Variants in IST1 observed in about 807,000 individuals in gnomAD.
IST1 encodes the protein IST1 homolog.
IST1 carries 23 observed loss-of-function variants against 37.0 expected under a neutral mutation model. The ratio of observed to expected loss-of-function variants is 0.62; its 90% CI spans 0.45 to 0.88. The LOEUF (loss-of-function observed/expected upper bound fraction) is 0.88. IST1 is among the 40% of genes least tolerant of loss of function. The probability of loss-of-function intolerance (pLI) is 0.00; values close to 1 mark genes in which losing one functional copy is unlikely to be tolerated. For synonymous variants in IST1, 180 were observed against 161.7 expected, an observed-to-expected ratio of 1.11 and a Z score of -0.86; for missense variants, 488 against 445.4, an observed-to-expected ratio of 1.10 and a Z score of -0.86.
chr16:71,905,313 C>T (rs894266588), intron 1 of IST1, among the ~76,000 whole-genome samples: 1 of 151,502 alleles, frequency 6.6e-6, no homozygotes, highest in Admixed American at 6.6e-5. Flanking sequence ...CGATTATGGG[C>T]ATGAGCCACC....
intron 1 of IST1, among the ~76,000 whole-genome samples, chr16:71,896,645 C>G (rs943540299): frequency 6.6e-6 from 1 of 152,026 alleles, no homozygotes; most frequent in Non-Finnish European, 1.5e-5. Context: ...AATTTGCTTC[C>G]TCAGAACTTC....
intron 1 of IST1, among the ~76,000 whole-genome samples, chr16:71,895,827 G>T (rs930756524): frequency 1.3e-5 from 2 of 152,244 alleles, no homozygotes; most frequent in Non-Finnish European, 2.9e-5. Context: ...CCGCGAGCGG[G>T]TCGGAGGCCT....
rs752623876 is a variant in IST1, at chr16:71,922,512, T to TG, written c.592dup (p.Val198GlyfsTer6). ...CTGGGGTAGAGACAGATCTTATTGA[T>TG]GTTGGATTCACAGATGATGTGAAGA... On this transcript the variant is annotated frameshift_variant, in exon 7 of 10. Transcript: ENST00000378799. LOFTEE classifies it high-confidence loss of function. The TG allele has an allele frequency of 6.2e-7, 1 of 1,614,060 alleles. No individual in the cohort carries two copies.
At position 71,920,630 on chromosome 16, in the gene IST1, G is replaced by A. The variant is rs372114826; in HGVS notation, c.358-109G>A. On this transcript the variant is annotated intron_variant, in intron 4 of 9. Transcript: ENST00000378799. ...ACCCCTTAAGGTTTTGCAGACTCCA[G>A]TGTTTTGGAAATCTTGTAATAGACG... 677 of 717,268 alleles carry A rather than the reference G, an allele frequency of 9.4e-4. 5 individuals carry two copies. The African/African-American group carries it at 0.011, about 12-fold the overall frequency. The allele number at this position is 717,268 out of a possible 1,614,324, so 44.4% of individuals were successfully genotyped here.
chr16:71,926,337 A>C (rs908360716), intron 9 of IST1, among the ~76,000 whole-genome samples: 1 of 151,960 alleles, frequency 6.6e-6, no homozygotes, highest in Admixed American at 6.6e-5. Context: ...TTTACATTTT[A>C]AAAAAACTCA....
chr16:71,900,327 CTT>C (rs201344260), intron 1 of IST1, among the ~76,000 whole-genome samples: 228 of 100,484 alleles, frequency 2.3e-3, no homozygotes, highest in African/African-American at 6.3e-3. Flanking sequence ...CTTAGGAAGT[CTT>C]TTTTTTTTTT....
In IST1 at chr16:71,928,690, AC is replaced by A. The variant is rs1567478365; in HGVS notation, c.*879del. 1 of 152,630 alleles carries A rather than the reference AC, an allele frequency of 6.6e-6. No individual in the cohort carries two copies. Among genetic ancestry groups the A allele is most frequent in the African/African-American group, 2.4e-5 (1 of 41,454 alleles). The allele number at this position is 152,630 out of a possible 1,614,324, so 9.5% of individuals were successfully genotyped here. On this transcript the variant is annotated 3_prime_UTR_variant, in exon 10 of 10. Transcript: ENST00000378799. The stretch of plus-strand genomic sequence containing the variant: ...GGAAAGCCTACAGGAAAAGAGGGGT[AC>A]CTGTTTTCATTTGAAAACTTTGATT...
intron 1 of IST1, among the ~76,000 whole-genome samples, chr16:71,901,837 T>C (rs1236319346): frequency 2.6e-5 from 4 of 152,346 alleles, no homozygotes; most frequent in South Asian, 2.1e-4. Context: ...TACAAAACAC[T>C]GTGCTAGGCA....
At chr16:71,927,343 G>C (rs140803283) in intron 9 of IST1, among the ~76,000 whole-genome samples, 13,730 of 152,080 alleles carry the variant, frequency 0.09, 773 homozygotes, top group Non-Finnish European at 0.13. Context: ...ACAAAAATTA[G>C]CCAGGTGTGG....
intron 5 of IST1, 31 bp downstream of exon 5, chr16:71,920,853 A>T: frequency 6.8e-7 from 1 of 1,466,144 alleles, no homozygotes; most frequent in South Asian, 1.1e-5. Context: ...ACATGAAGGC[A>T]GTGTGTGGGA....
intron 1 of IST1, among the ~76,000 whole-genome samples, chr16:71,896,807 C>A (rs747692722): frequency 5.3e-5 from 8 of 151,898 alleles, no homozygotes; most frequent in Non-Finnish European, 1.2e-4. Context: ...TAGCAAAATC[C>A]CGTTCTCTAC....
intron 1 of IST1, among the ~76,000 whole-genome samples, chr16:71,912,997 A>T (rs2037391732): frequency 6.6e-6 from 1 of 152,134 alleles, no homozygotes; most frequent in South Asian, 2.1e-4. Flanking sequence ...TTTATCCATG[A>T]ATCCCTCAGT....
upstream of IST1, chr16:71,894,687 C>T (rs2036928266): frequency 1.7e-6 from 1 of 603,888 alleles, no homozygotes; most frequent in Non-Finnish European, 2.9e-6. Flanking sequence ...TGCTGCTCCC[C>T]TAATTTTTAA....
intron 1 of IST1, among the ~76,000 whole-genome samples, chr16:71,908,511 G>T (rs913886845): frequency 2.0e-5 from 3 of 152,016 alleles, no homozygotes; most frequent in African/African-American, 7.2e-5. Context: ...TGGCCAGGCT[G>T]GTCTCGAATA....
At chr16:71,908,759 T>C (rs1246468399) in intron 1 of IST1, among the ~76,000 whole-genome samples, 1 of 152,192 alleles carries the variant, frequency 6.6e-6, no homozygotes, top group Non-Finnish European at 1.5e-5. Context: ...GCTCTTTCTC[T>C]CTGCTGATGC....
chr16:71,920,976 G>T, intron 5 of IST1, 154 bp downstream of exon 5: 1 of 693,026 alleles, frequency 1.4e-6, no homozygotes, highest in Non-Finnish European at 2.6e-6. Context: ...TGGCAGTGTG[G>T]TCCAATCCTT....
Position 71,923,627 on chromosome 16 carries a change from T to G in IST1, c.852+247T>G, listed in dbSNP as rs2037664091. On this transcript the variant is annotated intron_variant, in intron 8 of 9. Transcript: ENST00000378799. Reference sequence around the variant, plus strand: ...GAATCAGGAAGGAACTGCAGATTTCTTAGAAAGTTGTAGTGCTCTATGAGG... The same window carrying G: ...GAATCAGGAAGGAACTGCAGATTTCGTAGAAAGTTGTAGTGCTCTATGAGG... 11 of 351,950 alleles carry G rather than the reference T, an allele frequency of 3.1e-5. No individual in the cohort carries two copies. In the South Asian group the frequency reaches 3.8e-4, roughly 12 times the overall value. 21.8% of individuals were successfully genotyped at this position (351,950 alleles called of 1,614,324 possible).
intron 8 of IST1, chr16:71,924,033 G>T: frequency 2.3e-6 from 1 of 444,172 alleles, no homozygotes; most frequent in Non-Finnish European, 4.5e-6. Flanking sequence ...ACTCATCTAG[G>T]AAGATCTTCC....
intron 1 of IST1, among the ~76,000 whole-genome samples, chr16:71,912,421 T>C (rs2142557857): frequency 6.6e-6 from 1 of 152,282 alleles, no homozygotes; most frequent in Non-Finnish European, 1.5e-5. Flanking sequence ...GTATTTTTAG[T>C]GGAGACGGGG....
Sources: allele counts gnomAD v4.1 joint callset (sites outside exome capture counted in the v4.1 genomes callset), GRCh38; gene constraint gnomAD v4.1.1; transcripts MANE v1.5; gene names NCBI Gene and HGNC (gene_info 2026-07-23, HGNC 2026-07-21).